SV2B: variants seen among roughly 807,000 people sequenced by gnomAD.
SV2B encodes synaptic vesicle glycoprotein 2B.
Under a neutral mutation model 73.9 loss-of-function variants are expected in SV2B, and 41 were observed. That is an observed-to-expected ratio of 0.56 (90% confidence interval 0.43 to 0.72). The LOEUF is 0.72. Ranked by LOEUF, SV2B falls within the 30% of genes least tolerant of loss-of-function variation. The pLI is 0.00. For missense variants in SV2B, 764 were observed against 857.8 expected (o/e 0.89, Z 1.37); for synonymous variants, 314 against 314.2 (o/e 1.00, Z 0.01).
At chr15:91,249,188 G>T (rs1474762840) in intron 2 of SV2B, among the ~76,000 whole-genome samples, 3 of 151,686 alleles carry the variant, frequency 2.0e-5, no homozygotes, top group Non-Finnish European at 4.4e-5. Context: ...CTCTACTCAC[G>T]CTAGGCTACT....
chr15:91,191,999 TCCAGATCTTCCA>T (rs140696608), intron 1 of SV2B, among the ~76,000 whole-genome samples: 1,673 of 152,306 alleles, frequency 0.011, 35 homozygotes, highest in African/African-American at 0.038. Flanking sequence ...ACCCTTAGAT[TCCAGATCTTCCA>T]CCAGAGTGAA....
rs2042832749 is a variant in SV2B, at chr15:91,136,571, G to T, written c.-392+36208G>T. Among the ~76,000 whole-genome samples the T allele has an allele frequency of 1.3e-5, 2 of 152,126 alleles. No individual in the cohort carries two copies. The highest frequency in any genetic ancestry group is 2.9e-5 in the Non-Finnish European group (2 of 68,020). On this transcript the variant is annotated intron_variant, in intron 1 of 12. Transcript: ENST00000394232. The surrounding 1 kb of genome is among the most constrained non-coding windows in gnomAD (Gnocchi z 5.6). ...CCCTTTACATCTTCATTTCATTACT[G>T]GCCTAATTTGCTGAGCCCTGACCTG...
intron 1 of SV2B, among the ~76,000 whole-genome samples, chr15:91,143,643 A>T (rs1399805272): frequency 1.3e-5 from 2 of 152,196 alleles, no homozygotes; most frequent in African/African-American, 2.4e-5. Flanking sequence ...CTTACGTGTG[A>T]TGTTAACATC....
chr15:91,113,396 T>C (rs1341868236), intron 1 of SV2B, among the ~76,000 whole-genome samples: 1 of 152,212 alleles, frequency 6.6e-6, no homozygotes, highest in African/African-American at 2.4e-5. Flanking sequence ...TTAGAGTTTG[T>C]TTGTTGCAGT....
chr15:91,134,515 G>A (rs976010592), intron 1 of SV2B, among the ~76,000 whole-genome samples: 1 of 152,140 alleles, frequency 6.6e-6, no homozygotes, highest in African/African-American at 2.4e-5. Context: ...GAGCGAAAAG[G>A]GGGTGCTTTT....
Position 91,252,019 on chromosome 15 carries a change from G to T in SV2B, c.632+20G>T. 1 of 1,612,508 alleles carries T rather than the reference G, an allele frequency of 6.2e-7. No individual in the cohort carries two copies. The highest frequency in any genetic ancestry group is 1.1e-5 in the South Asian group (1 of 90,848). ...CATCGGGTATGTTCTTAGGGAGGTGGAGCTGGACCATCCCAGACCAATGGC... is the reference window on the plus strand; with the variant it reads ...CATCGGGTATGTTCTTAGGGAGGTGTAGCTGGACCATCCCAGACCAATGGC... On this transcript the variant is annotated intron_variant, in intron 3 of 12. Coordinates refer to ENST00000394232, the MANE Select transcript of SV2B (RefSeq NM_001323032.3). This position sits in a 1 kb window ranked among gnomAD's most constrained non-coding sequence, Gnocchi z 4.6.
chr15:91,176,599 G>T (rs1287447588), intron 1 of SV2B, among the ~76,000 whole-genome samples: 1 of 151,988 alleles, frequency 6.6e-6, no homozygotes, highest in Admixed American at 6.6e-5. Context: ...GGTGTGAGAT[G>T]GTATCTCATT....
Position 91,200,965 on chromosome 15 carries a change from G to A in SV2B, c.-391-24908G>A, listed in dbSNP as rs530401663. Among the ~76,000 whole-genome samples the A allele has an allele frequency of 4.6e-5, 7 of 152,290 alleles. No homozygotes were observed. The South Asian group carries it at 1.2e-3, about 27-fold the overall frequency. ...ACTGAAAGCTATTCTCCATCTCTTT[G>A]TACACATCCTGGATTTCACAGTATC... On this transcript the variant is annotated intron_variant, in intron 1 of 12. Transcript: ENST00000394232.
intron 1 of SV2B, among the ~76,000 whole-genome samples, chr15:91,166,803 C>A (rs1596507240): frequency 6.7e-6 from 1 of 149,570 alleles, no homozygotes; most frequent in Non-Finnish European, 1.5e-5. Flanking sequence ...TATAGTTTTT[C>A]TTTTGTTTTC....
chr15:91,226,752 G>C (rs777121247), intron 2 of SV2B, 38 bp downstream of exon 2: 1 of 1,578,322 alleles, frequency 6.3e-7, no homozygotes, highest in South Asian at 1.2e-5. Flanking sequence ...CAATGAAAGG[G>C]AAGGAGAAGT....
At chr15:91,196,033 T>C (rs2045233470) in intron 1 of SV2B, among the ~76,000 whole-genome samples, 1 of 152,190 alleles carries the variant, frequency 6.6e-6, no homozygotes, top group South Asian at 2.1e-4. Flanking sequence ...AGGTAAAGTG[T>C]TTAAGTGCTT....
intron 1 of SV2B, among the ~76,000 whole-genome samples, chr15:91,173,305 A>T (rs1475987297): frequency 1.3e-5 from 2 of 152,112 alleles, no homozygotes; most frequent in African/African-American, 4.8e-5. Flanking sequence ...GAGTTGTGGG[A>T]CTGCAGGGGC....
intron 1 of SV2B, among the ~76,000 whole-genome samples, chr15:91,127,311 T>G (rs2042513201): frequency 6.6e-6 from 1 of 152,104 alleles, no homozygotes; most frequent in Non-Finnish European, 1.5e-5. Flanking sequence ...GAGGCACATT[T>G]AAGCATTTTT....
At position 91,100,493 on chromosome 15, in the gene SV2B, A is replaced by G. The variant is rs139914037; in HGVS notation, c.-392+130A>G. 1.5e-4 allele frequency: 23 copies of G among 152,404 alleles called. No homozygotes were observed. The highest frequency in any genetic ancestry group is 5.0e-4 in the African/African-American group (21 of 41,602). 9.4% of individuals were successfully genotyped at this position (152,404 alleles called of 1,614,324 possible). A position where few individuals can be genotyped will look rare whatever the true frequency, so the allele number is the denominator to read the frequency against. ...GCTCGCACAGCTGAGTGCTGTTCATAGTAAATGGCACAAAAGATCGGAGAG... is the reference window on the plus strand; with the variant it reads ...GCTCGCACAGCTGAGTGCTGTTCATGGTAAATGGCACAAAAGATCGGAGAG... On this transcript the variant is annotated intron_variant, in intron 1 of 12. Coordinates refer to ENST00000394232, the MANE Select transcript of SV2B (RefSeq NM_001323032.3). The surrounding 1 kb of genome is among the most constrained non-coding windows in gnomAD (Gnocchi z 6.4).
Position 91,284,236 on chromosome 15 carries a change from G to C in SV2B, c.1708+15G>C. ...CAAGATGATTGGTGAGTTGCCAGCA[G>C]GGTCATTCCTGGGTTCCAACGCGCT... is the stretch of plus-strand genomic sequence containing the variant. On this transcript the variant is annotated intron_variant, in intron 11 of 12. Transcript: ENST00000394232. The surrounding 1 kb of genome is among the most constrained non-coding windows in gnomAD (Gnocchi z 4.5). 3.7e-6 allele frequency: 6 copies of C among 1,613,868 alleles called. No homozygotes were observed. The highest frequency in any genetic ancestry group is 5.1e-6 in the Non-Finnish European group (6 of 1,179,878).
intron 1 of SV2B, among the ~76,000 whole-genome samples, chr15:91,212,906 C>T (rs780310911): frequency 1.5e-4 from 23 of 151,282 alleles, no homozygotes; most frequent in African/African-American, 4.4e-4. Context: ...TAAGGTAGCC[C>T]GAGGCAAGGG....
intron 2 of SV2B, among the ~76,000 whole-genome samples, chr15:91,230,954 T>G (rs565516692): frequency 4.6e-5 from 7 of 152,306 alleles, no homozygotes; most frequent in African/African-American, 1.7e-4. Context: ...GGGGGCGTTC[T>G]GGAGTTAGGT....
At chr15:91,158,620 T>C (rs746053926) in intron 1 of SV2B, among the ~76,000 whole-genome samples, 8 of 147,514 alleles carry the variant, frequency 5.4e-5, no homozygotes, top group African/African-American at 9.9e-5. Context: ...GGGTGGCCTT[T>C]TCTTTTATTT....
intron 9 of SV2B, among the ~76,000 whole-genome samples, chr15:91,277,267 T>C (rs192276787): frequency 3.3e-5 from 5 of 152,310 alleles, no homozygotes; most frequent in Admixed American, 3.3e-4. Flanking sequence ...ATCTAGGCAG[T>C]AGTTGAGCTT....
Sources: allele counts gnomAD v4.1 joint callset (sites outside exome capture counted in the v4.1 genomes callset), GRCh38; gene constraint gnomAD v4.1.1; non-coding constraint Gnocchi (gnomAD v3.1); transcripts MANE v1.5; gene names NCBI Gene and HGNC (gene_info 2026-07-23, HGNC 2026-07-21).